MIPOL1: variants seen among roughly 807,000 people sequenced by gnomAD.
MIPOL1 encodes the protein mirror-image polydactyly gene 1 protein.
MIPOL1 carries 57 observed loss-of-function variants against 60.9 expected under a neutral mutation model. The observed-to-expected ratio is 0.94, with a 90% CI of 0.76 to 1.17. MIPOL1 has a LOEUF of 1.17. Ranked by LOEUF, MIPOL1 falls within the 50% of genes most tolerant of loss-of-function variation. The pLI is 0.00. For synonymous variants in MIPOL1, 179 were observed against 168.8 expected (o/e 1.06, Z -0.47); for missense variants, 551 against 511.6 (o/e 1.08, Z -0.74).
intron 12 of MIPOL1, among the ~76,000 whole-genome samples, chr14:37,526,828 T>G (rs2095450741): frequency 6.6e-6 from 1 of 152,174 alleles, no homozygotes; most frequent in African/African-American, 2.4e-5. Flanking sequence ...TGTGTTCTTT[T>G]AATTTTGACA....
chr14:37,505,897 T>G (rs777089504), intron 12 of MIPOL1: 4 of 152,192 alleles, frequency 2.6e-5, no homozygotes, highest in African/African-American at 4.8e-5. Context: ...GATAAGCAAC[T>G]TCAGCAAAGT....
chr14:37,537,448 T>C (rs1006463405), intron 12 of MIPOL1, among the ~76,000 whole-genome samples: 2 of 152,162 alleles, frequency 1.3e-5, no homozygotes, highest in African/African-American at 4.8e-5. Flanking sequence ...AATCTGACTT[T>C]ATTATTGTTG....
At chr14:37,237,489 C>T (rs565186368) in intron 1 of MIPOL1, among the ~76,000 whole-genome samples, 10 of 152,124 alleles carry the variant, frequency 6.6e-5, no homozygotes, top group Non-Finnish European at 1.2e-4. Flanking sequence ...CTCCAGCCAG[C>T]AAAGTTGGTT....
At chr14:37,530,203 T>A (rs551905848) in intron 12 of MIPOL1, among the ~76,000 whole-genome samples, 1 of 152,296 alleles carries the variant, frequency 6.6e-6, no homozygotes, top group African/African-American at 2.4e-5. Context: ...GGTAAAGAAT[T>A]CAGCATCTTA....
intron 3 of MIPOL1, among the ~76,000 whole-genome samples, chr14:37,251,987 G>A (rs1974182474): frequency 6.6e-6 from 1 of 151,636 alleles, no homozygotes; most frequent in African/African-American, 2.4e-5. Flanking sequence ...GTTACAAAAG[G>A]TTACTGTGCC....
In MIPOL1 at chr14:37,369,618, T is replaced by C. The variant is rs758033056; in HGVS notation, c.930T>C (p.Ala310=). 2.1e-5 allele frequency: 34 copies of C among 1,612,198 alleles called. 2 individuals are homozygous for C. The Middle Eastern group carries it at 5.0e-3, about 235-fold the overall frequency. ...CTGCTGAAAACAATCAAGAACGTGC[T>C]CTGAAGGTAAATCTCCGTTCCTTCT... ...HLTAENNQER[A]LKAKLLSMQQ... The change falls in exon 10 of 13, where the codon GCT becomes GCC. Residue 310 remains alanine (A), a synonymous_variant. Transcript: ENST00000684589.
At position 37,540,283 on chromosome 14, in the gene MIPOL1, TCA is replaced by T. The variant is rs2095524466; in HGVS notation, c.1263-6621_1263-6620del. On this transcript the variant is annotated intron_variant, in intron 12 of 12. Coordinates refer to ENST00000684589, the MANE Select transcript of MIPOL1 (RefSeq NM_001388067.1). The stretch of plus-strand genomic sequence containing the variant: ...ACCTTTTCACTTATGAATTCATTCT[TCA>T]GTCTTTTTCAGATACGAAGTCTTCT... Among the ~76,000 whole-genome samples the T allele has an allele frequency of 3.3e-5, 5 of 152,336 alleles. No individual in the cohort carries two copies. In the South Asian group the frequency reaches 1.0e-3, roughly 32 times the overall value.
intron 11 of MIPOL1, among the ~76,000 whole-genome samples, chr14:37,442,229 G>T (rs1389338975): frequency 1.3e-5 from 2 of 151,958 alleles, no homozygotes; most frequent in East Asian, 3.9e-4. Context: ...TTTGTATCCT[G>T]ACACTTTAGC....
intron 1 of MIPOL1, among the ~76,000 whole-genome samples, chr14:37,245,671 C>T (rs1430620180): frequency 6.6e-6 from 1 of 152,032 alleles, no homozygotes; most frequent in Non-Finnish European, 1.5e-5. Flanking sequence ...TATCTTCTGC[C>T]AAGGACCATT....
At chr14:37,422,216 T>G (rs1230390204) in intron 10 of MIPOL1, among the ~76,000 whole-genome samples, 1 of 151,946 alleles carries the variant, frequency 6.6e-6, no homozygotes, top group African/African-American at 2.4e-5. Flanking sequence ...AACTCAAAAA[T>G]TATAGCAGGA....
At chr14:37,394,770 T>C (rs2093338981) in intron 10 of MIPOL1, among the ~76,000 whole-genome samples, 1 of 152,214 alleles carries the variant, frequency 6.6e-6, no homozygotes, top group African/African-American at 2.4e-5. Flanking sequence ...TTAGTTTAAT[T>C]AAGTCCCAAC....
At chr14:37,427,434 G>A (rs916567010) in intron 11 of MIPOL1, among the ~76,000 whole-genome samples, 2 of 152,144 alleles carry the variant, frequency 1.3e-5, no homozygotes, top group African/African-American at 4.8e-5. Context: ...AGTTATAAGA[G>A]TGGGGAATTA....
intron 1 of MIPOL1, among the ~76,000 whole-genome samples, chr14:37,208,983 A>G (rs1242166514): frequency 6.6e-6 from 1 of 152,228 alleles, no homozygotes. Flanking sequence ...TGAGTAATTC[A>G]CTAAATATTG....
chr14:37,243,094 C>G (rs1439583556), intron 1 of MIPOL1, among the ~76,000 whole-genome samples: 1 of 152,160 alleles, frequency 6.6e-6, no homozygotes, highest in Non-Finnish European at 1.5e-5. Context: ...TAATGAATAT[C>G]TTTGTACATA....
intron 1 of MIPOL1, among the ~76,000 whole-genome samples, chr14:37,215,754 A>G (rs1339311198): frequency 2.0e-5 from 3 of 152,342 alleles, no homozygotes; most frequent in Non-Finnish European, 2.9e-5. Context: ...CACTTCACCT[A>G]TGAAGACACA....
chr14:37,254,734 A>G (rs1180574145), intron 3 of MIPOL1, among the ~76,000 whole-genome samples: 2 of 151,622 alleles, frequency 1.3e-5, no homozygotes, highest in Non-Finnish European at 1.5e-5. Context: ...ATCAGTTCAC[A>G]CTGTACTCTT....
chr14:37,463,708 TATAACTA>T (rs1333607774), intron 11 of MIPOL1, among the ~76,000 whole-genome samples: 2 of 152,276 alleles, frequency 1.3e-5, no homozygotes, highest in East Asian at 3.9e-4. Flanking sequence ...GCAAAGATTT[TATAACTA>T]AGACCTCAAA....
chr14:37,369,573 AAAC>A lies in MIPOL1; in HGVS notation c.890_892del (p.Asn297del). On this transcript the variant is annotated inframe_deletion, in exon 10 of 13. Coordinates refer to ENST00000684589, the MANE Select transcript of MIPOL1 (RefSeq NM_001388067.1). ...TGAAAGAGCAGAACCAGACTTCAGC[AAAC>A]AACATGAGACATCTGACTGCTGAAA... 1 of 1,613,588 alleles carries A rather than the reference AAAC, an allele frequency of 6.2e-7. No homozygotes were observed. The highest frequency in any genetic ancestry group is 1.3e-5 in the African/African-American group (1 of 75,022).
At chr14:37,220,766 C>T (rs534326369) in intron 1 of MIPOL1, among the ~76,000 whole-genome samples, 129 of 152,242 alleles carry the variant, frequency 8.5e-4, no homozygotes, top group African/African-American at 3.0e-3. Context: ...AATCTACCTA[C>T]ATGTCTCTAT....
Sources: allele counts gnomAD v4.1 joint callset (sites outside exome capture counted in the v4.1 genomes callset), GRCh38; gene constraint gnomAD v4.1.1; transcripts MANE v1.5; gene names NCBI Gene and HGNC (gene_info 2026-07-23, HGNC 2026-07-21).